Variants in PTPRD observed in about 807,000 individuals in gnomAD.
The protein encoded by PTPRD is protein tyrosine phosphatase receptor type D, also known as receptor-type tyrosine-protein phosphatase delta.
PTPRD carries 34 observed loss-of-function variants against 214.5 expected under a neutral mutation model. The observed-to-expected ratio is 0.16, with a 90% CI of 0.12 to 0.21. The LOEUF (loss-of-function observed/expected upper bound fraction) is 0.21. PTPRD is among the 10% of genes least tolerant of loss of function. PTPRD has a pLI of 1.00. For missense variants in PTPRD, 2,545 were observed against 2,398.7 expected, an observed-to-expected ratio of 1.06 and a Z score of -1.27; for synonymous variants, 1,128 against 845.7, an observed-to-expected ratio of 1.33 and a Z score of -5.79.
chr9:9,442,355 G>A (rs2088380610), intron 8 of PTPRD: 1 of 152,196 alleles, frequency 6.6e-6, no homozygotes, highest in Admixed American at 6.5e-5. Flanking sequence ...TTTCGCCTGA[G>A]CTCATTACAG....
At chr9:9,766,612 CTGTACCCAGGCAATGG>C (rs2154479332) in intron 6 of PTPRD, among the ~76,000 whole-genome samples, 182 bp downstream of exon 6, 1 of 152,182 alleles carries the variant, frequency 6.6e-6, no homozygotes, top group Non-Finnish European at 1.5e-5. Flanking sequence ...TTAAGGCTTT[CTGTACCCAGGCAATGG>C]TATATATTTG....
chr9:9,134,070 T>C (rs1366515991), intron 10 of PTPRD, among the ~76,000 whole-genome samples: 11 of 130,356 alleles, frequency 8.4e-5, no homozygotes, highest in African/African-American at 1.6e-4. Context: ...TTTTTTTTTT[T>C]TTTTTTTTTT....
intron 9 of PTPRD, among the ~76,000 whole-genome samples, chr9:9,185,829 A>G (rs368354397): frequency 8.6e-5 from 13 of 151,870 alleles, no homozygotes; most frequent in African/African-American, 3.1e-4. Flanking sequence ...CTAGTTAAAG[A>G]CACCTCTTAC....
At chr9:8,666,965 G>A (rs961040930) in intron 12 of PTPRD, among the ~76,000 whole-genome samples, 1 of 152,140 alleles carries the variant, frequency 6.6e-6, no homozygotes, top group South Asian at 2.1e-4. Flanking sequence ...ATTGTGGCTT[G>A]TGTATGCACA....
intron 9 of PTPRD, among the ~76,000 whole-genome samples, chr9:9,217,961 C>A (rs887855951): frequency 2.0e-5 from 3 of 152,120 alleles, no homozygotes; most frequent in African/African-American, 7.2e-5. Context: ...ATGTTGCTAA[C>A]AAAGCATGTT....
At chr9:9,057,080 C>T (rs988095704) in intron 10 of PTPRD, among the ~76,000 whole-genome samples, 2 of 152,080 alleles carry the variant, frequency 1.3e-5, no homozygotes, top group Admixed American at 1.3e-4. Flanking sequence ...AGAAGCTCTT[C>T]ATAAACCTTA....
At chr9:10,152,278 T>A (rs1379539196) in intron 3 of PTPRD, among the ~76,000 whole-genome samples, 1 of 152,202 alleles carries the variant, frequency 6.6e-6, no homozygotes, top group African/African-American at 2.4e-5. Context: ...TGAAAAATAA[T>A]TTTGAATATC....
chr9:9,177,013 T>TTAATGC (rs2099925306), intron 10 of PTPRD, among the ~76,000 whole-genome samples: 1 of 151,964 alleles, frequency 6.6e-6, no homozygotes. Flanking sequence ...TGCCCACTTG[T>TTAATGC]ATTAATTCAT....
chr9:10,372,986 C>G lies in PTPRD; in HGVS notation c.-599-31969G>C, dbSNP rs187384198. ...TAGCTTGGGTTATAGTCACCCACCA[C>G]CATGCCCAGCTAATTTTTGTATTTT... On this transcript the variant is annotated intron_variant, in intron 2 of 45. Coordinates refer to ENST00000381196, the MANE Select transcript of PTPRD (RefSeq NM_002839.4). Among the ~76,000 whole-genome samples the G allele has an allele frequency of 6.6e-5, 10 of 151,476 alleles. No individual in the cohort carries two copies. The East Asian group carries it at 1.8e-3, about 27-fold the overall frequency.
At chr9:10,193,362 C>A (rs1215520527) in intron 3 of PTPRD, among the ~76,000 whole-genome samples, 1 of 151,872 alleles carries the variant, frequency 6.6e-6, no homozygotes, top group African/African-American at 2.4e-5. Context: ...CCTAAAGCCT[C>A]TGTGTGCGGT....
rs73402237 is a variant in PTPRD, at chr9:10,352,669, G to A, written c.-599-11652C>T. Among the ~76,000 whole-genome samples, 1,485 of 152,080 alleles carry A rather than the reference G, an allele frequency of 9.8e-3. 26 individuals carry two copies. Among genetic ancestry groups the A allele is most frequent in the African/African-American group, 0.033 (1,374 of 41,546 alleles). ...CTTGTTCAAGCATTTTGAGGTGTTG[G>A]ATACAAGCCTTTCTTACTATCTATT... On this transcript the variant is annotated intron_variant, in intron 2 of 45. Transcript: ENST00000381196.
rs575009742 is a variant in PTPRD, at chr9:9,449,132, A to T, written c.-236-51650T>A. Among the ~76,000 whole-genome samples, 4 of 152,184 alleles carry T rather than the reference A, an allele frequency of 2.6e-5. No individual in the cohort carries two copies. In the East Asian group the frequency reaches 7.8e-4, roughly 30 times the overall value. On this transcript the variant is annotated intron_variant, in intron 8 of 45. Coordinates refer to ENST00000381196, the MANE Select transcript of PTPRD (RefSeq NM_002839.4). ...TGGCAATAACTGTCTCTTCTCCAGA[A>T]TTCCAGAACAGTGAATTCTTTCTTC...
chr9:8,928,537 C>T (rs200061946), intron 11 of PTPRD, among the ~76,000 whole-genome samples: 2 of 151,172 alleles, frequency 1.3e-5, no homozygotes, highest in African/African-American at 4.9e-5. Context: ...ATTTCTGAGG[C>T]CTCTGTTCTG....
At chr9:10,027,756 T>C (rs2096956394) in intron 4 of PTPRD, among the ~76,000 whole-genome samples, 1 of 152,182 alleles carries the variant, frequency 6.6e-6, no homozygotes. Context: ...ACTAAAGTAT[T>C]AATGAAATAA....
At chr9:9,612,017 A>T (rs1052053351) in intron 7 of PTPRD, among the ~76,000 whole-genome samples, 4 of 152,200 alleles carry the variant, frequency 2.6e-5, no homozygotes. Context: ...ATTTAACATG[A>T]CTATCAATAT....
intron 3 of PTPRD, among the ~76,000 whole-genome samples, chr9:10,194,347 G>T (rs1876856): frequency 0.066 from 432 of 6,566 alleles, 1 homozygote; most frequent in African/African-American, 0.14. Flanking sequence ...TATATATATA[G>T]AGAGAGAGAG....
At chr9:9,918,350 GTAAA>G (rs748285190) in intron 5 of PTPRD, among the ~76,000 whole-genome samples, 3 of 21,152 alleles carry the variant, frequency 1.4e-4, no homozygotes, top group East Asian at 8.7e-4. Context: ...AACCAAAGAG[GTAAA>G]AAAAAAAAAA....
At chr9:10,011,024 C>T (rs1440840573) in intron 4 of PTPRD, among the ~76,000 whole-genome samples, 1 of 151,896 alleles carries the variant, frequency 6.6e-6, no homozygotes, top group South Asian at 2.1e-4. Context: ...GCAAATCCTA[C>T]AAAGTTGTTC....
chr9:8,599,845 T>C (rs2094724949), intron 14 of PTPRD, among the ~76,000 whole-genome samples: 1 of 151,926 alleles, frequency 6.6e-6, no homozygotes, highest in Non-Finnish European at 1.5e-5. Context: ...TCAAATTCCC[T>C]ACCTCAGATG....
Sources: gnomAD v4.1 joint callset for allele counts (sites outside exome capture counted in the v4.1 genomes callset) on GRCh38, gnomAD v4.1.1 for gene constraint, MANE v1.5 for transcripts, NCBI Gene and HGNC (gene_info 2026-07-23, HGNC 2026-07-21) for gene names.